The following SIDT1 variants were observed in gnomAD, a reference collection of about 807,000 sequenced individuals.
The protein encoded by SIDT1 is SID1 transmembrane family member 1.
Under a neutral mutation model 107.5 loss-of-function variants are expected in SIDT1, and 101 were observed. The observed-to-expected ratio is 0.94, with a 90% CI of 0.80 to 1.11. SIDT1 has a LOEUF of 1.11. Ranked by LOEUF, SIDT1 falls within the 50% of genes least tolerant of loss-of-function variation. SIDT1 has a pLI of 0.00. For missense variants in SIDT1, 1,076 were observed against 1,058.2 expected (o/e 1.02, Z -0.23); for synonymous variants, 395 against 398.2 (o/e 0.99, Z 0.10).
downstream of SIDT1, among the ~76,000 whole-genome samples, chr3:113,631,584 G>T (rs78252169): frequency 0.015 from 2,337 of 152,192 alleles, 30 homozygotes; most frequent in Non-Finnish European, 0.025. Context: ...CAATACGAAG[G>T]CACCTTTGTT....
At chr3:113,597,268 G>A (rs748556851) in intron 10 of SIDT1, among the ~76,000 whole-genome samples, 6 of 151,988 alleles carry the variant, frequency 3.9e-5, no homozygotes, top group Non-Finnish European at 7.4e-5. Context: ...AGGCCGAGGC[G>A]GGTGGATTGC....
At chr3:113,567,921 C>T in intron 3 of SIDT1, 2 of 471,346 alleles carry the variant, frequency 4.2e-6, no homozygotes, top group Non-Finnish European at 7.4e-6. Context: ...AGTGGTTGAC[C>T]TCACAGGTGA....
At chr3:113,549,826 A>G (rs1039397422) in intron 1 of SIDT1, among the ~76,000 whole-genome samples, 1 of 152,084 alleles carries the variant, frequency 6.6e-6, no homozygotes, top group African/African-American at 2.4e-5. Context: ...ATCAAAAGTC[A>G]CCTCAATTTT....
In SIDT1 at chr3:113,541,987, G is replaced by A. The variant is rs1295689764; in HGVS notation, c.222+8744G>A. ...CACCCAGGTTGGAGTGCAATGGCACGATCTTGACTCACTGCAACCTCTGCC... is the reference window on the plus strand; with the variant it reads ...CACCCAGGTTGGAGTGCAATGGCACAATCTTGACTCACTGCAACCTCTGCC... On this transcript the variant is annotated intron_variant, in intron 1 of 24. Transcript: ENST00000264852. Among the ~76,000 whole-genome samples, 9 of 148,304 alleles carry A rather than the reference G, an allele frequency of 6.1e-5. No homozygotes were observed. In the East Asian group the frequency reaches 1.2e-3, roughly 20 times the overall value.
At chr3:113,572,473 G>A (rs945539417) in intron 3 of SIDT1, among the ~76,000 whole-genome samples, 31 of 152,186 alleles carry the variant, frequency 2.0e-4, no homozygotes, top group African/African-American at 4.1e-4. Flanking sequence ...GTAGAACTTC[G>A]TCTTTCAGAT....
downstream of SIDT1, among the ~76,000 whole-genome samples, chr3:113,630,462 C>T (rs539728995): frequency 9.9e-5 from 15 of 152,228 alleles, no homozygotes; most frequent in Admixed American, 7.2e-4. Flanking sequence ...GCCAGCTCCT[C>T]GGGGCAAAGA....
chr3:113,596,556 A>G (rs1388426502), intron 10 of SIDT1, among the ~76,000 whole-genome samples: 9 of 152,210 alleles, frequency 5.9e-5, no homozygotes, highest in African/African-American at 1.9e-4. Flanking sequence ...TTTTTACTGT[A>G]CTATGAATGA....
At chr3:113,547,630 T>TATATTGAAAAG (rs1183947167) in intron 1 of SIDT1, among the ~76,000 whole-genome samples, 4 of 152,140 alleles carry the variant, frequency 2.6e-5, no homozygotes, top group African/African-American at 9.7e-5. Flanking sequence ...AAAGGTATCT[T>TATATTGAAAAG]ATATTGAAAA....
intron 1 of SIDT1, among the ~76,000 whole-genome samples, chr3:113,534,159 A>G (rs1220241911): frequency 2.0e-5 from 3 of 152,150 alleles, no homozygotes; most frequent in African/African-American, 7.2e-5. Flanking sequence ...TCCCATATAA[A>G]TGTGTTTATG....
intron 1 of SIDT1, among the ~76,000 whole-genome samples, chr3:113,560,443 A>G (rs531462010): frequency 6.6e-6 from 1 of 152,172 alleles, no homozygotes; most frequent in Non-Finnish European, 1.5e-5. Context: ...AGCACCTCCC[A>G]CAGCTCCTGA....
chr3:113,567,771 A>G, intron 3 of SIDT1, 61 bp downstream of exon 3: 7 of 1,522,674 alleles, frequency 4.6e-6, no homozygotes, highest in South Asian at 1.2e-5. Context: ...TGCTCAATTC[A>G]TCTTCCATCC....
intron 1 of SIDT1, among the ~76,000 whole-genome samples, chr3:113,546,473 T>A (rs896838237): frequency 6.6e-6 from 1 of 152,210 alleles, no homozygotes; most frequent in African/African-American, 2.4e-5. Flanking sequence ...GCTGAACTTA[T>A]ATTTCAGTTC....
chr3:113,621,410 G>A (rs1946452762), intron 21 of SIDT1, among the ~76,000 whole-genome samples: 1 of 151,094 alleles, frequency 6.6e-6, no homozygotes, highest in African/African-American at 2.4e-5. Flanking sequence ...TTTGAGACCA[G>A]TCTGGGCAAC....
intron 1 of SIDT1, among the ~76,000 whole-genome samples, chr3:113,558,025 G>C (rs1941059099): frequency 6.6e-6 from 1 of 152,110 alleles, no homozygotes; most frequent in Admixed American, 6.6e-5. Context: ...GCATATGAGA[G>C]ACAGAAAGAG....
At chr3:113,543,165 T>C (rs1341746054) in intron 1 of SIDT1, among the ~76,000 whole-genome samples, 1 of 152,104 alleles carries the variant, frequency 6.6e-6, no homozygotes, top group Non-Finnish European at 1.5e-5. Context: ...GGTCTCCAAC[T>C]CCTGAACTCA....
intron 1 of SIDT1, among the ~76,000 whole-genome samples, chr3:113,561,684 C>G (rs954079922): frequency 6.6e-6 from 1 of 152,174 alleles, no homozygotes; most frequent in African/African-American, 2.4e-5. Flanking sequence ...TCAGAATCCC[C>G]CAGCAGCTTG....
intron 9 of SIDT1, among the ~76,000 whole-genome samples, chr3:113,591,864 A>G (rs1404713229): frequency 1.3e-5 from 2 of 152,252 alleles, no homozygotes; most frequent in African/African-American, 4.8e-5. Context: ...AGTATTACTC[A>G]TGATAGCCAA....
intron 1 of SIDT1, among the ~76,000 whole-genome samples, chr3:113,558,433 G>C (rs1395518567): frequency 6.6e-6 from 1 of 152,070 alleles, no homozygotes; most frequent in Non-Finnish European, 1.5e-5. Flanking sequence ...TTTGATTTCT[G>C]CACATCTTAC....
At chr3:113,594,162 T>C (rs1944378582) in intron 10 of SIDT1, among the ~76,000 whole-genome samples, 1 of 152,196 alleles carries the variant, frequency 6.6e-6, no homozygotes, top group African/African-American at 2.4e-5. Context: ...GCAGGATCAT[T>C]GCTCCCTTTG....
Sources: gnomAD v4.1 joint callset for allele counts (sites outside exome capture counted in the v4.1 genomes callset) on GRCh38, gnomAD v4.1.1 for gene constraint, MANE v1.5 for transcripts, NCBI Gene and HGNC (gene_info 2026-07-23, HGNC 2026-07-21) for gene names.